AGBL1: variants seen among roughly 807,000 people sequenced by gnomAD.
The protein encoded by AGBL1 is cytosolic carboxypeptidase 4.
Under a neutral mutation model 118.9 loss-of-function variants are expected in AGBL1, and 130 were observed. The observed-to-expected ratio is 1.09, with a 90% CI of 0.95 to 1.26. The LOEUF is 1.26. Ranked by LOEUF, AGBL1 falls within the 50% of genes most tolerant of loss-of-function variation. The probability of loss-of-function intolerance (pLI) is 0.00; values close to 1 mark genes in which losing one functional copy is unlikely to be tolerated. For missense variants in AGBL1, 1,584 were observed against 1,298.1 expected, an observed-to-expected ratio of 1.22 and a Z score of -3.38; for synonymous variants, 555 against 478.9, an observed-to-expected ratio of 1.16 and a Z score of -2.08.
At chr15:86,470,752 C>T (rs2082469227) in intron 18 of AGBL1, among the ~76,000 whole-genome samples, 1 of 151,858 alleles carries the variant, frequency 6.6e-6, no homozygotes, top group Admixed American at 6.6e-5. Context: ...TCTTTCAGCT[C>T]AGTTAAATGC....
intron 5 of AGBL1, among the ~76,000 whole-genome samples, chr15:86,189,138 C>A (rs573022378): frequency 1.3e-5 from 2 of 152,278 alleles, no homozygotes; most frequent in African/African-American, 4.8e-5. Context: ...ATTTAGAGTG[C>A]AATGTTAATT....
intron 18 of AGBL1, among the ~76,000 whole-genome samples, chr15:86,513,447 A>G (rs1444736724): frequency 6.6e-6 from 1 of 152,022 alleles, no homozygotes; most frequent in Non-Finnish European, 1.5e-5. Flanking sequence ...ACAAATGGTG[A>G]TGTTAACTTT....
In AGBL1 at chr15:86,772,121, C is replaced by T. The variant is rs542464112; in HGVS notation, c.3158+97685C>T. On this transcript the variant is annotated intron_variant, in intron 22 of 22. Transcript: ENST00000614907. ...AGTGGTCTCAGGCTTTCAGTCTGCC[C>T]AGCATCTCCTTCAGCATCTCCTTGG... Among the ~76,000 whole-genome samples, 13 of 152,096 alleles carry T rather than the reference C, an allele frequency of 8.5e-5. No homozygotes were observed. The East Asian group carries it at 2.1e-3, about 25-fold the overall frequency.
chr15:86,621,108 T>C (rs955544178), intron 21 of AGBL1, among the ~76,000 whole-genome samples: 1 of 152,230 alleles, frequency 6.6e-6, no homozygotes, highest in African/African-American at 2.4e-5. Context: ...GCCATGAATA[T>C]AAGTGATACT....
At chr15:86,648,375 G>A (rs1281399478) in intron 21 of AGBL1, among the ~76,000 whole-genome samples, 1 of 152,154 alleles carries the variant, frequency 6.6e-6, no homozygotes, top group Non-Finnish European at 1.5e-5. Flanking sequence ...ACTTTATGAT[G>A]GATTAGAGGT....
intron 22 of AGBL1, among the ~76,000 whole-genome samples, chr15:86,843,315 G>C (rs1378024576): frequency 6.6e-6 from 1 of 152,120 alleles, no homozygotes; most frequent in South Asian, 2.1e-4. Flanking sequence ...TAGGTTTCAT[G>C]CAGGCAACAC....
At chr15:86,499,541 C>A (rs902922150) in intron 18 of AGBL1, among the ~76,000 whole-genome samples, 4 of 151,850 alleles carry the variant, frequency 2.6e-5, no homozygotes, top group African/African-American at 4.8e-5. Context: ...CTGGTAGGAG[C>A]TTTAAAGTCT....
At chr15:86,544,139 T>C (rs371202947) in intron 19 of AGBL1, among the ~76,000 whole-genome samples, 15 of 152,204 alleles carry the variant, frequency 9.9e-5, no homozygotes, top group East Asian at 5.8e-4. Flanking sequence ...CAAAACTTAG[T>C]GGCTTAAACA....
At chr15:87,004,498 C>G (rs1194569935) in intron 24 of AGBL1, among the ~76,000 whole-genome samples, 1 of 152,182 alleles carries the variant, frequency 6.6e-6, no homozygotes. Context: ...TTATCAGAGA[C>G]TAAGATTATA....
intron 22 of AGBL1, among the ~76,000 whole-genome samples, chr15:86,739,448 A>AAG (rs2141231878): frequency 6.7e-6 from 1 of 149,744 alleles, no homozygotes; most frequent in South Asian, 2.1e-4. Flanking sequence ...CATCTCAAAA[A>AAG]AAAAAAAAAA....
At chr15:86,607,381 A>T (rs1050426276) in intron 21 of AGBL1, among the ~76,000 whole-genome samples, 2 of 152,176 alleles carry the variant, frequency 1.3e-5, no homozygotes, top group Non-Finnish European at 2.9e-5. Context: ...TGCTTTAAAC[A>T]TTTGTGAGCA....
intron 23 of AGBL1, among the ~76,000 whole-genome samples, chr15:86,968,660 C>T (rs1033656810): frequency 5.9e-5 from 9 of 151,918 alleles, no homozygotes; most frequent in Non-Finnish European, 1.5e-5. Flanking sequence ...AGCCACCTCC[C>T]TTATCCCACA....
At chr15:86,818,415 A>C (rs2078895322) in intron 22 of AGBL1, among the ~76,000 whole-genome samples, 1 of 152,190 alleles carries the variant, frequency 6.6e-6, no homozygotes. Context: ...CTGCACATGC[A>C]AGGAATCCAG....
intron 17 of AGBL1, chr15:86,295,879 G>C (rs1422944696): frequency 6.5e-6 from 1 of 154,808 alleles, no homozygotes; most frequent in Non-Finnish European, 1.4e-5. Context: ...ACAGGCTCTA[G>C]CTAAGAACTT....
At chr15:86,495,882 T>C (rs2082847365) in intron 18 of AGBL1, among the ~76,000 whole-genome samples, 1 of 151,978 alleles carries the variant, frequency 6.6e-6, no homozygotes, top group African/African-American at 2.4e-5. Flanking sequence ...TGAAGGATGT[T>C]TATAAAAATA....
At chr15:86,294,782 G>T (rs1184065378) in intron 16 of AGBL1, among the ~76,000 whole-genome samples, 1 of 151,856 alleles carries the variant, frequency 6.6e-6, no homozygotes, top group Non-Finnish European at 1.5e-5. Context: ...AAATTTATGG[G>T]TACGCGTGAA....
At chr15:86,676,313 C>T (rs559799046) in intron 22 of AGBL1, among the ~76,000 whole-genome samples, 24 of 152,242 alleles carry the variant, frequency 1.6e-4, no homozygotes, top group Middle Eastern at 3.4e-3. Context: ...CGTTATGATG[C>T]AGTTGACCAC....
intron 18 of AGBL1, among the ~76,000 whole-genome samples, chr15:86,516,331 T>C (rs893365263): frequency 6.6e-6 from 1 of 152,220 alleles, no homozygotes; most frequent in Non-Finnish European, 1.5e-5. Context: ...GGTTGTGCAG[T>C]TCCCAGCTTG....
rs2080395585 is a variant in AGBL1, at chr15:86,914,574, A to G, written c.*7280A>G. On this transcript the variant is annotated 3_prime_UTR_variant, in exon 23 of 23. Transcript: ENST00000614907. ...GTAATTAGCAACACTTAGTATCTAT[A>G]ATAGTCTAAGACCATCGCAGGTGTC... 6.6e-6 allele frequency: 1 copy of G among 152,206 alleles called. No individual in the cohort carries two copies. Among genetic ancestry groups the G allele is most frequent in the East Asian group, 1.9e-4 (1 of 5,196 alleles). 9.4% of individuals were successfully genotyped at this position (152,206 alleles called of 1,614,324 possible).
Sources: allele counts gnomAD v4.1 joint callset (sites outside exome capture counted in the v4.1 genomes callset), GRCh38; gene constraint gnomAD v4.1.1; transcripts MANE v1.5; gene names NCBI Gene and HGNC (gene_info 2026-07-23, HGNC 2026-07-21).